The following PCDHA1 variants were observed in gnomAD, a reference collection of about 807,000 sequenced individuals.
The protein encoded by PCDHA1 is protocadherin alpha 1.
In PCDHA1, 42 loss-of-function variants were observed where a neutral mutation model predicts 61.3. That is an observed-to-expected ratio of 0.69 (90% confidence interval 0.54 to 0.89). The LOEUF is 0.89. PCDHA1 is among the 40% of genes least tolerant of loss of function. The pLI is 0.00. For missense variants in PCDHA1, 1,256 were observed against 1,235.3 expected (o/e 1.02, Z -0.25); for synonymous variants, 610 against 553.8 (o/e 1.10, Z -1.43).
chr5:140,868,771 A>G lies in PCDHA1; in HGVS notation c.2394+80087A>G, dbSNP rs986240016. 2.7e-4 allele frequency: 70 copies of G among 257,218 alleles called. No individual in the cohort carries two copies. In the Middle Eastern group the frequency reaches 5.2e-3, roughly 19 times the overall value. The allele number at this position is 257,218 out of a possible 1,614,324, so 15.9% of individuals were successfully genotyped here. ...ATTTCCATATATATTTAGTTTCAAT[A>G]TGACTTATAATCTGAATATTCCATA... is the stretch of plus-strand genomic sequence containing the variant. On this transcript the variant is annotated intron_variant, in intron 1 of 3. Coordinates refer to ENST00000504120, the MANE Select transcript of PCDHA1 (RefSeq NM_018900.4).
chr5:140,942,701 G>T (rs2093357342), intron 1 of PCDHA1, among the ~76,000 whole-genome samples: 1 of 152,080 alleles, frequency 6.6e-6, no homozygotes, highest in Non-Finnish European at 1.5e-5. Flanking sequence ...TGAGAAATAT[G>T]AAGTAAAAGT....
intron 1 of PCDHA1, chr5:140,861,376 C>G (rs1490345053): frequency 4.8e-6 from 2 of 418,688 alleles, no homozygotes; most frequent in African/African-American, 4.1e-5. Flanking sequence ...GTCCCTATTG[C>G]GCAGGACCTG....
intron 1 of PCDHA1, chr5:140,836,879 C>T: frequency 1.5e-6 from 1 of 674,888 alleles, no homozygotes; most frequent in South Asian, 2.5e-5. Flanking sequence ...TGTATTTGCA[C>T]TAATTATTTG....
At chr5:140,795,918 T>G in intron 1 of PCDHA1, 1 of 1,613,864 alleles carries the variant, frequency 6.2e-7, no homozygotes, top group Non-Finnish European at 8.5e-7. Context: ...CCTACGAGAT[T>G]CAGGTCACTG....
intron 1 of PCDHA1, chr5:140,876,605 A>T (rs1582292779): frequency 6.2e-7 from 1 of 1,614,060 alleles, no homozygotes; most frequent in South Asian, 1.1e-5. Context: ...TCGGATCGTG[A>T]CTCTGGAGCC....
chr5:140,986,656 C>T (rs141575317), intron 3 of PCDHA1, among the ~76,000 whole-genome samples: 2 of 152,290 alleles, frequency 1.3e-5, no homozygotes, highest in East Asian at 1.9e-4. Context: ...GTGGGAGATG[C>T]TCACAGTTTT....
chr5:140,796,963 G>A lies in PCDHA1; in HGVS notation c.2394+8279G>A, dbSNP rs565650637. ...GTTGACAGCCACGGCCACCGTGTTA[G>A]TGTCGTTGGTGGAAAGTGGCCAGGC... is the stretch of plus-strand genomic sequence containing the variant. On this transcript the variant is annotated intron_variant, in intron 1 of 3. Transcript: ENST00000504120. 43 of 1,613,862 alleles carry A rather than the reference G, an allele frequency of 2.7e-5. No homozygotes were observed. Among genetic ancestry groups the A allele is most frequent in the Admixed American group, 2.3e-4 (14 of 60,034 alleles).
At chr5:140,963,911 T>C (rs2095797811) in intron 1 of PCDHA1, among the ~76,000 whole-genome samples, 1 of 152,238 alleles carries the variant, frequency 6.6e-6, no homozygotes, top group African/African-American at 2.4e-5. Context: ...AAGTGAAGCT[T>C]AGGCTAAGTA....
intron 1 of PCDHA1, chr5:140,884,511 G>A (rs1202323930): frequency 6.2e-7 from 1 of 1,614,192 alleles, no homozygotes; most frequent in Non-Finnish European, 8.5e-7. Flanking sequence ...GCAGGGAGTT[G>A]GTCGTACTCG....
intron 1 of PCDHA1, chr5:140,803,060 G>A (rs782445556): frequency 6.2e-7 from 1 of 1,613,976 alleles, no homozygotes; most frequent in Admixed American, 1.7e-5. Flanking sequence ...CGCGCATCCC[G>A]TTTCGCGTGG....
chr5:140,978,920 A>G, intron 1 of PCDHA1, 29 bp from the exon 2 acceptor site: 1 of 1,614,014 alleles, frequency 6.2e-7, no homozygotes, highest in Non-Finnish European at 8.5e-7. Context: ...TTGTCATTTT[A>G]ACAGAAAACT....
chr5:140,998,826 AGTGCTGGATTACTG>A (rs1301277298), intron 3 of PCDHA1, among the ~76,000 whole-genome samples: 1 of 152,240 alleles, frequency 6.6e-6, no homozygotes, highest in Non-Finnish European at 1.5e-5. Flanking sequence ...GGCCTCCCAA[AGTGCTGGATTACTG>A]GTGTGAGCCA....
At chr5:140,839,065 GC>G (rs1320146572) in intron 1 of PCDHA1, among the ~76,000 whole-genome samples, 1 of 152,054 alleles carries the variant, frequency 6.6e-6, no homozygotes, top group African/African-American at 2.4e-5. Context: ...ATAGAGGTAT[GC>G]AAAGTCAAAA....
At chr5:140,992,761 A>G (rs1400429465) in intron 3 of PCDHA1, among the ~76,000 whole-genome samples, 1 of 152,180 alleles carries the variant, frequency 6.6e-6, no homozygotes, top group African/African-American at 2.4e-5. Flanking sequence ...TGTTGGGGAT[A>G]GGAGGGTGGG....
At chr5:140,796,133 C>A (rs1170903796) in intron 1 of PCDHA1, 4 of 1,614,238 alleles carry the variant, frequency 2.5e-6, no homozygotes, top group Non-Finnish European at 2.5e-6. Flanking sequence ...TGCTCCCTGA[C>A]GCCCCACGTC....
At chr5:141,005,113 G>A (rs2098197843) in intron 3 of PCDHA1, among the ~76,000 whole-genome samples, 1 of 152,184 alleles carries the variant, frequency 6.6e-6, no homozygotes, top group South Asian at 2.1e-4. Flanking sequence ...ATTGTCTTTA[G>A]GGACCCCAAA....
chr5:141,010,815 TC>T lies in PCDHA1; in HGVS notation c.*879del, dbSNP rs1159286994. 1.3e-5 allele frequency: 2 copies of T among 153,744 alleles called. No homozygotes were observed. Among genetic ancestry groups the T allele is most frequent in the Admixed American group, 6.5e-5 (1 of 15,280 alleles). 9.5% of individuals were successfully genotyped at this position (153,744 alleles called of 1,614,324 possible). On this transcript the variant is annotated 3_prime_UTR_variant, in exon 4 of 4. Coordinates refer to ENST00000504120, the MANE Select transcript of PCDHA1 (RefSeq NM_018900.4). ...AAAGAAAACCCCGACACCTCACCTT[TC>T]GCTGTTTGTTGTTTCATAGATTTAT...
chr5:140,874,917 T>G (rs2153317662), intron 1 of PCDHA1, among the ~76,000 whole-genome samples: 2 of 152,292 alleles, frequency 1.3e-5, no homozygotes, highest in Middle Eastern at 6.8e-3. Flanking sequence ...GGAGTGCTTG[T>G]GAAGGTTAAA....
intron 3 of PCDHA1, among the ~76,000 whole-genome samples, chr5:141,008,870 C>G (rs539100133): frequency 1.4e-4 from 22 of 152,126 alleles, no homozygotes; most frequent in Non-Finnish European, 7.3e-5. Flanking sequence ...ATGCTGCATC[C>G]CACCACCCTT....
Sources: gnomAD v4.1 joint callset for allele counts (sites outside exome capture counted in the v4.1 genomes callset) on GRCh38, gnomAD v4.1.1 for gene constraint, MANE v1.5 for transcripts, NCBI Gene and HGNC (gene_info 2026-07-23, HGNC 2026-07-21) for gene names.